NAA11: variants seen among roughly 807,000 people sequenced by gnomAD.
The protein encoded by NAA11 is N-alpha-acetyltransferase 11.
Under a neutral mutation model 16.1 loss-of-function variants are expected in NAA11, and 15 were observed. The ratio of observed to expected loss-of-function variants is 0.93; its 90% CI spans 0.62 to 1.44. The LOEUF is 1.44. NAA11 is among the 40% of genes most tolerant of loss of function. NAA11 has a pLI of 0.00. For synonymous variants in NAA11, 122 were observed against 112.4 expected (o/e 1.09, Z -0.54); for missense variants, 298 against 291.3 (o/e 1.02, Z -0.17).
intron 2 of NAA11, among the ~76,000 whole-genome samples, chr4:79,248,777 A>G (rs1189976873): frequency 1.3e-5 from 2 of 152,324 alleles, no homozygotes; most frequent in East Asian, 3.9e-4. Flanking sequence ...AACAGTGGCC[A>G]TGCTGCCACC....
At chr4:79,215,435 C>T in the NAA11 span, among the ~76,000 whole-genome samples, 5 of 152,130 alleles carry the variant, frequency 3.3e-5, no homozygotes, top group African/African-American at 4.8e-5. Context: ...TATTCCAGTC[C>T]CCCCTAAAAA....
the NAA11 span, among the ~76,000 whole-genome samples, chr4:79,218,390 G>C: frequency 6.6e-6 from 1 of 151,538 alleles, no homozygotes; most frequent in African/African-American, 2.4e-5. Flanking sequence ...ATAGTCTATG[G>C]TGACTATATA....
the NAA11 span, among the ~76,000 whole-genome samples, chr4:79,203,063 C>T: frequency 6.6e-6 from 1 of 151,160 alleles, no homozygotes; most frequent in Non-Finnish European, 1.5e-5. Context: ...AATTTTTTTC[C>T]GGAGTTTTTA....
the NAA11 span, among the ~76,000 whole-genome samples, chr4:79,186,834 T>C: frequency 6.6e-6 from 1 of 152,148 alleles, no homozygotes; most frequent in Non-Finnish European, 1.5e-5. Context: ...TGGCAGCACC[T>C]GTGAGGCTCC....
intron 1 of NAA11, among the ~76,000 whole-genome samples, chr4:79,320,874 T>G (rs1213196824): frequency 2.6e-5 from 4 of 152,260 alleles, no homozygotes; most frequent in Non-Finnish European, 5.9e-5. Context: ...ATAGTACTTT[T>G]GCAGTATGAG....
chr4:79,254,757 A>G (rs1285074972), intron 2 of NAA11, among the ~76,000 whole-genome samples: 1 of 150,478 alleles, frequency 6.6e-6, no homozygotes, highest in African/African-American at 2.4e-5. Context: ...AAGGTTTGTT[A>G]TTGATGAAGA....
At chr4:79,278,071 A>G (rs1312911288) in intron 2 of NAA11, among the ~76,000 whole-genome samples, 1 of 152,100 alleles carries the variant, frequency 6.6e-6, no homozygotes, top group Non-Finnish European at 1.5e-5. Context: ...TAGACTCCCC[A>G]TGACTACCTT....
chr4:79,214,856 C>G, the NAA11 span, among the ~76,000 whole-genome samples: 1 of 152,120 alleles, frequency 6.6e-6, no homozygotes, highest in Non-Finnish European at 1.5e-5. Flanking sequence ...TTCTCACCCT[C>G]TCTTGCATTT....
intron 1 of NAA11, among the ~76,000 whole-genome samples, chr4:79,302,690 T>C (rs185694128): frequency 3.5e-4 from 53 of 152,294 alleles, no homozygotes; most frequent in African/African-American, 1.2e-3. Context: ...ATAAAAGTGA[T>C]ATGTGTAACT....
chr4:79,178,116 G>A, the NAA11 span, among the ~76,000 whole-genome samples: 6 of 152,198 alleles, frequency 3.9e-5, no homozygotes, highest in South Asian at 1.2e-3. Flanking sequence ...AACTTTCACA[G>A]CAAATTTTAA....
In NAA11 at chr4:79,322,505, G is replaced by GTGTATA. The variant is rs71821147; in HGVS notation, c.*12+2670_*12+2671insTATACA. 5.2e-4 allele frequency among the ~76,000 whole-genome samples: 78 copies of GTGTATA among 150,182 alleles called. 1 individual carries two copies. The South Asian group carries it at 6.7e-3, about 13-fold the overall frequency. On this transcript the variant is annotated intron_variant, in intron 1 of 1. Coordinates refer to ENST00000286794, the MANE Select transcript of NAA11 (RefSeq NM_032693.3). ...TTTATAGGTGTGTGTGTGTGTGTGT[G>GTGTATA]TATATATATATATATGGTTTTAAAA... is the stretch of plus-strand genomic sequence containing the variant.
At chr4:79,164,965 G>A in the NAA11 span, among the ~76,000 whole-genome samples, 9 of 152,178 alleles carry the variant, frequency 5.9e-5, no homozygotes, top group Non-Finnish European at 1.0e-4. Context: ...CATTATGAAC[G>A]TAATTGTGTG....
chr4:79,292,094 A>T (rs570435074), intron 2 of NAA11, among the ~76,000 whole-genome samples: 28 of 152,284 alleles, frequency 1.8e-4, no homozygotes, highest in African/African-American at 6.0e-4. Context: ...CGCTCCAATA[A>T]ATATTTTAGA....
At chr4:79,315,526 A>G (rs1293792496), downstream of NAA11, among the ~76,000 whole-genome samples, 3 of 152,184 alleles carry the variant, frequency 2.0e-5, no homozygotes. Context: ...ATAATCTGCT[A>G]GCAGACCTGA....
chr4:79,181,001 G>C, the NAA11 span, among the ~76,000 whole-genome samples: 1 of 151,934 alleles, frequency 6.6e-6, no homozygotes, highest in Admixed American at 6.6e-5. Context: ...AACACCGCAT[G>C]TTCTCACTCA....
At chr4:79,161,280 A>G in the NAA11 span, among the ~76,000 whole-genome samples, 2 of 151,808 alleles carry the variant, frequency 1.3e-5, no homozygotes, top group African/African-American at 4.8e-5. Context: ...GGTTCAAGCA[A>G]TTCTTCTGCC....
At chr4:79,167,266 T>TAG in the NAA11 span, among the ~76,000 whole-genome samples, 236 of 119,286 alleles carry the variant, frequency 2.0e-3, 2 homozygotes, top group East Asian at 6.7e-3. Flanking sequence ...TATATATATA[T>TAG]ATATAGAGAG....
chr4:79,175,666 T>C, the NAA11 span, among the ~76,000 whole-genome samples: 2 of 149,284 alleles, frequency 1.3e-5, no homozygotes, highest in Admixed American at 1.4e-4. Context: ...ATCTGTGACA[T>C]GGAGACCTTG....
At chr4:79,245,929 C>T (rs1160828903) in intron 2 of NAA11, among the ~76,000 whole-genome samples, 1 of 152,028 alleles carries the variant, frequency 6.6e-6, no homozygotes, top group Admixed American at 6.5e-5. Flanking sequence ...GCGGTTTTGT[C>T]GAATAGAAAA....
Sources: allele counts gnomAD v4.1 joint callset (sites outside exome capture counted in the v4.1 genomes callset), GRCh38; gene constraint gnomAD v4.1.1; transcripts MANE v1.5; gene names NCBI Gene and HGNC (gene_info 2026-07-23, HGNC 2026-07-21).